Variants in FOXN3 observed in about 807,000 individuals in gnomAD.
FOXN3 encodes the protein forkhead box protein N3.
In FOXN3, 7 loss-of-function variants were observed where a neutral mutation model predicts 38.4. The observed-to-expected ratio is 0.18, with a 90% CI of 0.10 to 0.34. The LOEUF is 0.34. FOXN3 is among the 10% of genes least tolerant of loss of function. The probability of loss-of-function intolerance (pLI) is 1.00; values close to 1 mark genes in which losing one functional copy is unlikely to be tolerated. For missense variants in FOXN3, 456 were observed against 613.4 expected (o/e 0.74, Z 2.71); for synonymous variants, 230 against 242.2 (o/e 0.95, Z 0.47).
At chr14:89,330,388 C>T (rs1888213042) in intron 3 of FOXN3, among the ~76,000 whole-genome samples, 1 of 152,216 alleles carries the variant, frequency 6.6e-6, no homozygotes, top group Non-Finnish European at 1.5e-5. Flanking sequence ...CTTCTGCTAC[C>T]CAGCTGCCCC....
chr14:89,332,504 G>C (rs565761205), intron 3 of FOXN3, among the ~76,000 whole-genome samples: 1 of 152,204 alleles, frequency 6.6e-6, no homozygotes, highest in South Asian at 2.1e-4. Flanking sequence ...GTCCCTTAAT[G>C]CTGGTCTAAA....
intron 4 of FOXN3, among the ~76,000 whole-genome samples, chr14:89,253,141 G>C (rs1885511432): frequency 6.6e-6 from 1 of 152,204 alleles, no homozygotes; most frequent in African/African-American, 2.4e-5. Context: ...TCCTGCCCCA[G>C]GTTGTCAGGG....
At chr14:89,212,810 A>T (rs1884140568) in intron 4 of FOXN3, among the ~76,000 whole-genome samples, 1 of 152,202 alleles carries the variant, frequency 6.6e-6, no homozygotes, top group East Asian at 1.9e-4. Flanking sequence ...TGGAGGGCCC[A>T]AAGAGCTGTT....
chr14:89,247,951 C>T (rs751859863), intron 4 of FOXN3, among the ~76,000 whole-genome samples: 1 of 152,194 alleles, frequency 6.6e-6, no homozygotes, highest in Non-Finnish European at 1.5e-5. Context: ...CATCTTTGCA[C>T]CTGCCCTCTG....
upstream of FOXN3, among the ~76,000 whole-genome samples, chr14:89,421,359 G>A (rs1408515792): frequency 6.6e-6 from 1 of 151,448 alleles, no homozygotes; most frequent in Non-Finnish European, 1.5e-5. Context: ...TGTTGGTCAG[G>A]CTGGTCTTGA....
At position 89,234,095 on chromosome 14, in the gene FOXN3, T is replaced by C. The variant is rs141957127; in HGVS notation, c.745+46855A>G. Among the ~76,000 whole-genome samples the C allele has an allele frequency of 7.7e-3, 1,175 of 152,236 alleles. 4 individuals are homozygous for C. Among genetic ancestry groups the C allele is most frequent in the Non-Finnish European group, 0.012 (844 of 68,000 alleles). ...CTCCCCAAAGACCACTTAATAGCCA[T>C]TGGTTGACTTCAACAGGCACATCTA... On this transcript the variant is annotated intron_variant, in intron 4 of 5. Coordinates refer to ENST00000557258, the MANE Select transcript of FOXN3 (RefSeq NM_005197.4).
rs533877627 is a variant in FOXN3, at chr14:89,257,909, G to T, written c.745+23041C>A. Among the ~76,000 whole-genome samples, 5 of 152,304 alleles carry T rather than the reference G, an allele frequency of 3.3e-5. No homozygotes were observed. The East Asian group carries it at 9.6e-4, about 29-fold the overall frequency. On this transcript the variant is annotated intron_variant, in intron 4 of 5. Transcript: ENST00000557258. ...GGTGCCTGTGAGCACTCTCTAAGGG[G>T]TGACATTTCCTCAGAAGACAATGGT... is the stretch of plus-strand genomic sequence containing the variant.
chr14:89,485,366 CAGCCTT>C (rs1237257175), intron 1 of FOXN3, among the ~76,000 whole-genome samples: 1 of 152,098 alleles, frequency 6.6e-6, no homozygotes, highest in Non-Finnish European at 1.5e-5. Flanking sequence ...GATGAGCTCC[CAGCCTT>C]ACTTTATAAA....
At chr14:89,241,805 G>C (rs1431056192) in intron 4 of FOXN3, among the ~76,000 whole-genome samples, 2 of 152,206 alleles carry the variant, frequency 1.3e-5, no homozygotes, top group African/African-American at 2.4e-5. Flanking sequence ...AGAATCTGGA[G>C]TCTCTGTCTC....
chr14:89,352,267 G>GT, intron 2 of FOXN3, among the ~76,000 whole-genome samples: 1 of 152,208 alleles, frequency 6.6e-6, no homozygotes. Flanking sequence ...ATTCCTACGT[G>GT]TTTTTTCCTT....
chr14:89,570,005 T>G (rs1895458349), intron 1 of FOXN3, among the ~76,000 whole-genome samples: 1 of 145,130 alleles, frequency 6.9e-6, no homozygotes, highest in African/African-American at 2.7e-5. Flanking sequence ...CTTGGTATGT[T>G]TTTTTTTTTT....
At chr14:89,479,518 G>A (rs1024239590) in intron 1 of FOXN3, among the ~76,000 whole-genome samples, 4 of 151,920 alleles carry the variant, frequency 2.6e-5, no homozygotes, top group African/African-American at 7.3e-5. Context: ...CGGTGGTGGC[G>A]GTGTGATGAA....
At chr14:89,555,837 T>C (rs1895103805) in intron 1 of FOXN3, among the ~76,000 whole-genome samples, 1 of 56,374 alleles carries the variant, frequency 1.8e-5, no homozygotes, top group Non-Finnish European at 4.1e-5. Flanking sequence ...TTCTAGTTCA[T>C]GGTGTGTGTG....
chr14:89,417,699 G>A (rs758697096), upstream of FOXN3: 2 of 455,896 alleles, frequency 4.4e-6, no homozygotes, highest in South Asian at 1.5e-5. Flanking sequence ...GCTTGTGGGG[G>A]TGAGAAGAGG....
chr14:89,321,306 A>C (rs1296604014), intron 3 of FOXN3, among the ~76,000 whole-genome samples: 1 of 151,406 alleles, frequency 6.6e-6, no homozygotes, highest in Non-Finnish European at 1.5e-5. Context: ...AAATAAAAAA[A>C]AATTAAGGGC....
chr14:89,348,977 C>T (rs1217473862), intron 3 of FOXN3, among the ~76,000 whole-genome samples: 3 of 152,088 alleles, frequency 2.0e-5, no homozygotes, highest in Non-Finnish European at 4.4e-5. Context: ...GTGAGTAACA[C>T]TCATGTTCTT....
At chr14:89,178,288 C>T (rs1204025717) in intron 5 of FOXN3, among the ~76,000 whole-genome samples, 1 of 152,000 alleles carries the variant, frequency 6.6e-6, no homozygotes, top group Non-Finnish European at 1.5e-5. Flanking sequence ...GGATTACAGG[C>T]GTGAGCCAAT....
At chr14:89,586,240 A>T (rs1334719935) in intron 1 of FOXN3, among the ~76,000 whole-genome samples, 2 of 152,216 alleles carry the variant, frequency 1.3e-5, no homozygotes, top group African/African-American at 2.4e-5. Flanking sequence ...ATCTGCTGGG[A>T]AAATATCCAA....
intron 1 of FOXN3, among the ~76,000 whole-genome samples, chr14:89,435,364 C>A (rs1252328040): frequency 2.7e-5 from 4 of 150,454 alleles, no homozygotes; most frequent in Non-Finnish European, 4.4e-5. Flanking sequence ...ACAGCAAGAC[C>A]CTGTCTCTTA....
Sources: allele counts gnomAD v4.1 joint callset (sites outside exome capture counted in the v4.1 genomes callset), GRCh38; gene constraint gnomAD v4.1.1; transcripts MANE v1.5; gene names NCBI Gene and HGNC (gene_info 2026-07-23, HGNC 2026-07-21).